Variants in TMEM135 observed in about 807,000 individuals in gnomAD.
TMEM135 encodes the protein transmembrane protein 135.
TMEM135 carries 30 observed loss-of-function variants against 60.3 expected under a neutral mutation model. That is an observed-to-expected ratio of 0.50 (90% CI 0.37 to 0.68). TMEM135 has a LOEUF of 0.68. Ranked by LOEUF, TMEM135 falls within the 30% of genes least tolerant of loss-of-function variation. TMEM135 has a pLI of 0.00. For missense variants in TMEM135, 468 were observed against 548.8 expected (o/e 0.85, Z 1.47); for synonymous variants, 190 against 186.7 (o/e 1.02, Z -0.14).
intron 6 of TMEM135, among the ~76,000 whole-genome samples, chr11:87,270,740 G>C (rs1259171332): frequency 6.6e-6 from 1 of 151,994 alleles, no homozygotes; most frequent in Non-Finnish European, 1.5e-5. Context: ...ATGACATCAA[G>C]TTTCTATAAA....
intron 1 of TMEM135, among the ~76,000 whole-genome samples, chr11:87,045,403 A>T (rs1005102342): frequency 8.5e-5 from 13 of 152,088 alleles, no homozygotes; most frequent in African/African-American, 2.9e-4. Flanking sequence ...AGCCTCTAGC[A>T]TGTCGCTTCC....
At chr11:87,044,194 T>C (rs893470210) in intron 1 of TMEM135, among the ~76,000 whole-genome samples, 1 of 152,104 alleles carries the variant, frequency 6.6e-6, no homozygotes, top group Non-Finnish European at 1.5e-5. Flanking sequence ...AATAAACATT[T>C]AAGCCAGAGT....
At chr11:87,110,982 A>G (rs1229828094) in intron 4 of TMEM135, among the ~76,000 whole-genome samples, 1 of 152,184 alleles carries the variant, frequency 6.6e-6, no homozygotes, top group African/African-American at 2.4e-5. Flanking sequence ...CCTGCCATAG[A>G]TGCCTTATGT....
At chr11:87,240,546 G>A (rs192608452) in intron 6 of TMEM135, among the ~76,000 whole-genome samples, 5 of 151,946 alleles carry the variant, frequency 3.3e-5, no homozygotes, top group African/African-American at 1.2e-4. Flanking sequence ...AAAGAGATCA[G>A]TTTCTTTTGA....
At chr11:87,171,718 C>G (rs1222378478) in intron 5 of TMEM135, among the ~76,000 whole-genome samples, 3 of 152,132 alleles carry the variant, frequency 2.0e-5, no homozygotes, top group African/African-American at 7.2e-5. Flanking sequence ...TATACCCTTT[C>G]TGCCTAGGTA....
intron 4 of TMEM135, among the ~76,000 whole-genome samples, chr11:87,147,320 C>CA (rs1345135297): frequency 3.3e-5 from 5 of 151,956 alleles, no homozygotes; most frequent in South Asian, 2.1e-4. Flanking sequence ...AAGACTGTCT[C>CA]AAAAAAACAA....
At chr11:87,111,773 C>G (rs895857850) in intron 4 of TMEM135, among the ~76,000 whole-genome samples, 1 of 151,938 alleles carries the variant, frequency 6.6e-6, no homozygotes, top group East Asian at 1.9e-4. Flanking sequence ...TTGAAACATG[C>G]TCCCATACAT....
Position 87,142,498 on chromosome 11 carries a change from T to G in TMEM135, c.397-14843T>G, listed in dbSNP as rs1938290102. Among the ~76,000 whole-genome samples, 3 of 152,198 alleles carry G rather than the reference T, an allele frequency of 2.0e-5. No individual in the cohort carries two copies. The South Asian group carries it at 6.2e-4, about 31-fold the overall frequency. On this transcript the variant is annotated intron_variant, in intron 4 of 14. Transcript: ENST00000305494. ...TATTTTTGGATGTAGAATTCTGGATTGACAATCCGGCATCTACTATTTGTG... is the reference window on the plus strand; with the variant it reads ...TATTTTTGGATGTAGAATTCTGGATGGACAATCCGGCATCTACTATTTGTG...
chr11:87,285,153 G>A (rs1300307802), intron 6 of TMEM135, among the ~76,000 whole-genome samples: 1 of 152,188 alleles, frequency 6.6e-6, no homozygotes, highest in Non-Finnish European at 1.5e-5. Flanking sequence ...CAATCAAAAT[G>A]TACAATTGTT....
At chr11:87,270,604 G>A (rs146674250) in intron 6 of TMEM135, among the ~76,000 whole-genome samples, 24 of 152,146 alleles carry the variant, frequency 1.6e-4, no homozygotes, top group Non-Finnish European at 2.6e-4. Context: ...ATATGAAGAG[G>A]AATTAAATCA....
Position 87,322,582 on chromosome 11 carries a change from G to T in TMEM135, c.*1249G>T, listed in dbSNP as rs1196350960. 1 of 453,920 alleles carries T rather than the reference G, an allele frequency of 2.2e-6. No homozygotes were observed. Among genetic ancestry groups the T allele is most frequent in the South Asian group, 1.6e-5 (1 of 64,468 alleles). 28.1% of individuals were successfully genotyped at this position (453,920 alleles called of 1,614,324 possible). On this transcript the variant is annotated 3_prime_UTR_variant, in exon 15 of 15. Coordinates refer to ENST00000305494, the MANE Select transcript of TMEM135 (RefSeq NM_022918.4). Reference sequence around the variant, plus strand: ...TGGTCTACAGTTAATGTGACATGTAGGGATGATGATATTTTTAAAATACAT... The same window carrying T: ...TGGTCTACAGTTAATGTGACATGTATGGATGATGATATTTTTAAAATACAT...
intron 1 of TMEM135, among the ~76,000 whole-genome samples, chr11:87,044,603 T>G (rs61906193): frequency 0.15 from 23,316 of 152,110 alleles, 1,909 homozygotes; most frequent in Non-Finnish European, 0.17. Context: ...AATAACTAAA[T>G]GATTTTTACA....
chr11:87,061,614 C>T (rs1949947493), intron 1 of TMEM135, among the ~76,000 whole-genome samples: 1 of 152,178 alleles, frequency 6.6e-6, no homozygotes, highest in Admixed American at 6.5e-5. Flanking sequence ...CTCGGAGGCT[C>T]ACAGTAACTA....
chr11:87,326,852 C>A lies in TMEM135; in HGVS notation c.*5519C>A. The A allele has an allele frequency of 2.2e-6, 1 of 451,622 alleles. No individual in the cohort carries two copies. Among genetic ancestry groups the A allele is most frequent in the Non-Finnish European group, 4.4e-6 (1 of 226,394 alleles). 28.0% of individuals were successfully genotyped at this position (451,622 alleles called of 1,614,324 possible). A position where few individuals can be genotyped will look rare whatever the true frequency, so the allele number is the denominator to read the frequency against. On this transcript the variant is annotated 3_prime_UTR_variant, in exon 15 of 15. Transcript: ENST00000305494. ...GATAGCACTAAGGCTCTCTTCAGAA[C>A]CAAAGGGCAGGATAAATAAATCTAT...
chr11:87,157,081 T>G (rs1254699687), intron 4 of TMEM135, among the ~76,000 whole-genome samples: 1 of 151,110 alleles, frequency 6.6e-6, no homozygotes, highest in Non-Finnish European at 1.5e-5. Flanking sequence ...TTTGTTTTTT[T>G]TTTTTTTTAG....
At chr11:87,108,524 T>G (rs1857657942) in intron 4 of TMEM135, among the ~76,000 whole-genome samples, 1 of 152,166 alleles carries the variant, frequency 6.6e-6, no homozygotes, top group Non-Finnish European at 1.5e-5. Flanking sequence ...TTTTTTATAG[T>G]GTTTTTCTAG....
chr11:87,187,582 A>G (rs1455711195), intron 5 of TMEM135, among the ~76,000 whole-genome samples: 1 of 152,184 alleles, frequency 6.6e-6, no homozygotes, highest in Non-Finnish European at 1.5e-5. Context: ...TAATGATTGT[A>G]TGGTAAGATG....
intron 6 of TMEM135, among the ~76,000 whole-genome samples, chr11:87,252,833 T>TGTGTGTGTGTG (rs1555124839): frequency 6.7e-6 from 1 of 149,896 alleles, no homozygotes; most frequent in Non-Finnish European, 1.5e-5. Context: ...TGTGTGTGTA[T>TGTGTGTGTGTG]TATATATAGA....
At chr11:87,197,920 AT>A (rs1482541185) in intron 5 of TMEM135, among the ~76,000 whole-genome samples, 1 of 151,780 alleles carries the variant, frequency 6.6e-6, no homozygotes, top group African/African-American at 2.4e-5. Context: ...ATCTATTTTT[AT>A]TTTTAGTTTT....
Sources: gnomAD v4.1 joint callset for allele counts (sites outside exome capture counted in the v4.1 genomes callset) on GRCh38, gnomAD v4.1.1 for gene constraint, MANE v1.5 for transcripts, NCBI Gene and HGNC (gene_info 2026-07-23, HGNC 2026-07-21) for gene names.